ADARB2: variants seen among roughly 807,000 people sequenced by gnomAD.
ADARB2 encodes the protein adenosine deaminase RNA specific B2 (inactive).
ADARB2 carries 25 observed loss-of-function variants against 62.2 expected under a neutral mutation model. The observed-to-expected ratio is 0.40, with a 90% CI of 0.29 to 0.56. The LOEUF is 0.56. Among genes scored for constraint, ADARB2 ranks in the 20% least tolerant of loss-of-function variants. ADARB2 has a pLI of 0.43. For synonymous variants in ADARB2, 572 were observed against 500.8 expected (o/e 1.14, Z -1.90); for missense variants, 1,071 against 1,077.4 (o/e 0.99, Z 0.08).
chr10:1,301,622 T>C (rs531285545), intron 3 of ADARB2, among the ~76,000 whole-genome samples: 1 of 152,298 alleles, frequency 6.6e-6, no homozygotes, highest in South Asian at 2.1e-4. Context: ...TTCATTAATT[T>C]GGCTGATTAA....
intron 1 of ADARB2, among the ~76,000 whole-genome samples, chr10:1,507,380 A>G (rs1364387949): frequency 1.3e-5 from 2 of 152,178 alleles, no homozygotes; most frequent in African/African-American, 4.8e-5. Context: ...ACCGGACAGG[A>G]AGGCTGCACC....
intron 1 of ADARB2, among the ~76,000 whole-genome samples, chr10:1,636,343 C>T (rs1340388980): frequency 1.3e-5 from 2 of 152,130 alleles, no homozygotes; most frequent in Non-Finnish European, 2.9e-5. Context: ...AAAGAAAAGT[C>T]CCATCTCTAT....
intron 7 of ADARB2, chr10:1,215,745 G>C (rs373630257): frequency 2.6e-4 from 39 of 152,374 alleles, no homozygotes; most frequent in African/African-American, 8.2e-4. Context: ...TATCAGGCTT[G>C]TGGGGAATTC....
At chr10:1,345,030 G>A (rs1360695754) in intron 3 of ADARB2, among the ~76,000 whole-genome samples, 1 of 152,220 alleles carries the variant, frequency 6.6e-6, no homozygotes, top group Non-Finnish European at 1.5e-5. Flanking sequence ...AAGGGCACAT[G>A]GAGGAAACCG....
intron 4 of ADARB2, among the ~76,000 whole-genome samples, chr10:1,259,677 A>G (rs909720664): frequency 5.3e-5 from 8 of 152,198 alleles, no homozygotes; most frequent in East Asian, 1.9e-4. Flanking sequence ...CAACCAAAAA[A>G]AGTCCAGGAC....
intron 1 of ADARB2, among the ~76,000 whole-genome samples, chr10:1,672,755 A>G (rs925488354): frequency 6.6e-6 from 1 of 151,428 alleles, no homozygotes; most frequent in African/African-American, 2.4e-5. Flanking sequence ...CCCTCCCTCC[A>G]CGCACACACT....
intron 1 of ADARB2, among the ~76,000 whole-genome samples, chr10:1,510,106 T>TTCTCTCTCTCTTTCTTTCTTTCTTTCTC (rs879666484): frequency 8.0e-6 from 1 of 125,652 alleles, no homozygotes; most frequent in Non-Finnish European, 1.7e-5. Context: ...TTTTCTTTCT[T>TTCTCTCTCTCTTTCTTTCTTTCTTTCTC]TCTCTCTTTC....
intron 6 of ADARB2, among the ~76,000 whole-genome samples, chr10:1,220,570 A>ACCTAACAG (rs1830686278): frequency 6.6e-6 from 1 of 152,208 alleles, no homozygotes; most frequent in African/African-American, 2.4e-5. Flanking sequence ...GAGCCATCAC[A>ACCTAACAG]CCTAACAGTT....
chr10:1,533,237 G>A (rs1474707522), intron 1 of ADARB2, among the ~76,000 whole-genome samples: 1 of 150,948 alleles, frequency 6.6e-6, no homozygotes, highest in Non-Finnish European at 1.5e-5. Flanking sequence ...TCCTGACTCA[G>A]CCTCCCGAGT....
rs538516633 is a variant in ADARB2 at position 1,285,622 on chromosome 10, G to A, written c.1078-14553C>T. Among the ~76,000 whole-genome samples, 22 of 152,284 alleles carry A rather than the reference G, an allele frequency of 1.4e-4. No individual in the cohort carries two copies. The South Asian group carries it at 4.1e-3, about 29-fold the overall frequency. On this transcript the variant is annotated intron_variant, in intron 3 of 9. Coordinates refer to ENST00000381312, the MANE Select transcript of ADARB2 (RefSeq NM_018702.4). ...TGAGCTGTGCATTCCCGTGCTTAAC[G>A]GAAAAGCAAAGCAAAAGGCTGCTCT...
intron 3 of ADARB2, among the ~76,000 whole-genome samples, chr10:1,321,783 G>A (rs937189758): frequency 1.3e-5 from 2 of 152,210 alleles, no homozygotes; most frequent in African/African-American, 4.8e-5. Context: ...GGTTGAAAAT[G>A]GCATGGGTTG....
chr10:1,472,658 G>A (rs529264387), intron 1 of ADARB2, among the ~76,000 whole-genome samples: 8 of 152,316 alleles, frequency 5.3e-5, no homozygotes, highest in African/African-American at 1.7e-4. Flanking sequence ...AAAGGAAATC[G>A]GTCCGGCACA....
intron 3 of ADARB2, among the ~76,000 whole-genome samples, chr10:1,272,119 C>T (rs1220772241): frequency 1.3e-5 from 2 of 152,230 alleles, no homozygotes; most frequent in Non-Finnish European, 2.9e-5. Flanking sequence ...ATCATCATCT[C>T]CCCCAGTCAC....
intron 2 of ADARB2, among the ~76,000 whole-genome samples, chr10:1,371,784 T>TAAAAAAAAAAAAAAAAAAAAA (rs71379114): frequency 1.6e-5 from 2 of 125,814 alleles, no homozygotes; most frequent in Non-Finnish European, 3.3e-5. Flanking sequence ...TATTAAAAAG[T>TAAAAAAAAAAAAAAAAAAAAA]AAAAAAAAAA....
intron 3 of ADARB2, among the ~76,000 whole-genome samples, chr10:1,299,552 C>T (rs974080183): frequency 2.6e-5 from 4 of 151,638 alleles, no homozygotes; most frequent in South Asian, 2.1e-4. Context: ...CCTGGCTGAT[C>T]GCCTGTGTGA....
intron 3 of ADARB2, among the ~76,000 whole-genome samples, chr10:1,283,093 G>C (rs1218131450): frequency 2.6e-5 from 4 of 152,180 alleles, no homozygotes; most frequent in African/African-American, 9.7e-5. Flanking sequence ...TCAAATGCCA[G>C]CTCCTTTATA....
At chr10:1,517,262 T>C (rs1470637016) in intron 1 of ADARB2, among the ~76,000 whole-genome samples, 1 of 152,228 alleles carries the variant, frequency 6.6e-6, no homozygotes, top group African/African-American at 2.4e-5. Context: ...TCAAATTCAT[T>C]TTTTTCTCCT....
At chr10:1,416,345 A>T (rs778692166) in intron 1 of ADARB2, among the ~76,000 whole-genome samples, 4 of 152,244 alleles carry the variant, frequency 2.6e-5, no homozygotes, top group Non-Finnish European at 5.9e-5. Context: ...TGAAGGCCCA[A>T]CTGGGGTGAG....
At chr10:1,664,276 G>T (rs1834286692) in intron 1 of ADARB2, among the ~76,000 whole-genome samples, 1 of 151,820 alleles carries the variant, frequency 6.6e-6, no homozygotes, top group Non-Finnish European at 1.5e-5. Flanking sequence ...TGGTCAGTGT[G>T]TGGGTTTCTG....
Sources: gnomAD v4.1 joint callset for allele counts (sites outside exome capture counted in the v4.1 genomes callset) on GRCh38, gnomAD v4.1.1 for gene constraint, MANE v1.5 for transcripts, NCBI Gene and HGNC (gene_info 2026-07-23, HGNC 2026-07-21) for gene names.